KCNIP4: variants seen among roughly 807,000 people sequenced by gnomAD.
The protein encoded by KCNIP4 is potassium voltage-gated channel interacting protein 4, also known as Kv channel-interacting protein 4.
A neutral mutation model predicts 34.0 loss-of-function variants in KCNIP4; 12 were observed. That is an observed-to-expected ratio of 0.35 (90% confidence interval 0.23 to 0.57). The LOEUF is 0.57. KCNIP4 is among the 20% of genes least tolerant of loss of function. The probability of loss-of-function intolerance (pLI) is 0.83; values close to 1 mark genes in which losing one functional copy is unlikely to be tolerated. For synonymous variants in KCNIP4, 124 were observed against 102.2 expected, an observed-to-expected ratio of 1.21 and a Z score of -1.29; for missense variants, 238 against 311.7, an observed-to-expected ratio of 0.76 and a Z score of 1.78.
intron 1 of KCNIP4, among the ~76,000 whole-genome samples, chr4:20,987,174 T>C (rs115245283): frequency 0.013 from 2,052 of 152,250 alleles, 21 homozygotes; most frequent in Non-Finnish European, 0.021. Flanking sequence ...GGTGGGAGGA[T>C]AACTTAGGAG....
chr4:20,875,339 A>G (rs1312709219), intron 2 of KCNIP4, among the ~76,000 whole-genome samples: 1 of 152,156 alleles, frequency 6.6e-6, no homozygotes, highest in Non-Finnish European at 1.5e-5. Context: ...GTGATTCAGA[A>G]ATTAAATAAT....
rs78469518 is a variant in KCNIP4, at chr4:21,120,592, A to T, written c.62-237883T>A. 1.5e-3 allele frequency among the ~76,000 whole-genome samples: 223 copies of T among 152,316 alleles called. 4 individuals are homozygous for T. In the East Asian group the frequency reaches 0.041, roughly 28 times the overall value. ...CACATCTTACGTGGTGACAGGTGAG[A>T]GTGAGTGTTTGTCAGCTCAGGAAAA... On this transcript the variant is annotated intron_variant, in intron 1 of 8. Coordinates refer to ENST00000382152, the MANE Select transcript of KCNIP4 (RefSeq NM_025221.6).
intron 1 of KCNIP4, among the ~76,000 whole-genome samples, chr4:21,862,899 T>G (rs1210421666): frequency 1.3e-5 from 2 of 150,450 alleles, no homozygotes; most frequent in Non-Finnish European, 2.9e-5. Flanking sequence ...AGGCGGAGCT[T>G]GCAGTGAGCC....
At chr4:21,129,848 C>T (rs1293909226) in intron 1 of KCNIP4, among the ~76,000 whole-genome samples, 1 of 150,556 alleles carries the variant, frequency 6.6e-6, no homozygotes, top group Admixed American at 6.6e-5. Context: ...ATAAATGTGT[C>T]ATAAGTTGAG....
At chr4:21,644,252 T>C (rs1746844677) in intron 1 of KCNIP4, among the ~76,000 whole-genome samples, 1 of 151,954 alleles carries the variant, frequency 6.6e-6, no homozygotes, top group Non-Finnish European at 1.5e-5. Context: ...ACCTGAGAAA[T>C]CACAAATCAA....
chr4:21,199,416 T>C (rs1756304338), intron 1 of KCNIP4, among the ~76,000 whole-genome samples: 1 of 152,212 alleles, frequency 6.6e-6, no homozygotes, highest in Non-Finnish European at 1.5e-5. Context: ...GATGGGGTTG[T>C]TTGATTTTTT....
At chr4:21,571,659 G>GA (rs148081633) in intron 1 of KCNIP4, among the ~76,000 whole-genome samples, 2,100 of 152,238 alleles carry the variant, frequency 0.014, 58 homozygotes, top group South Asian at 0.047. Flanking sequence ...CAAGTTAAAT[G>GA]AAAACTCATC....
chr4:21,589,006 A>G (rs187647495), intron 1 of KCNIP4, among the ~76,000 whole-genome samples: 53 of 150,986 alleles, frequency 3.5e-4, no homozygotes, highest in African/African-American at 1.2e-3. Context: ...AGCACTGGGA[A>G]TAGAGATAAA....
intron 3 of KCNIP4, among the ~76,000 whole-genome samples, chr4:20,820,320 T>C (rs1716943296): frequency 6.6e-6 from 1 of 152,186 alleles, no homozygotes; most frequent in Non-Finnish European, 1.5e-5. Context: ...CTTGGCTGAA[T>C]TGTCTGTGTC....
At chr4:20,869,642 T>A (rs1723233642) in intron 2 of KCNIP4, among the ~76,000 whole-genome samples, 1 of 152,132 alleles carries the variant, frequency 6.6e-6, no homozygotes, top group Admixed American at 6.6e-5. Flanking sequence ...CAAGCCTTAA[T>A]TTTAAAATTT....
intron 1 of KCNIP4, among the ~76,000 whole-genome samples, chr4:21,529,083 C>G (rs949594619): frequency 6.6e-6 from 1 of 152,090 alleles, no homozygotes; most frequent in Non-Finnish European, 1.5e-5. Context: ...AGATACAGTG[C>G]AGCAGCTATT....
At chr4:21,269,835 A>G (rs1261849985) in intron 1 of KCNIP4, among the ~76,000 whole-genome samples, 1 of 152,176 alleles carries the variant, frequency 6.6e-6, no homozygotes, top group Non-Finnish European at 1.5e-5. Context: ...ACAGGGACTC[A>G]AGAGATCAGA....
chr4:21,079,452 C>CAGGA (rs1560702649), intron 1 of KCNIP4, among the ~76,000 whole-genome samples: 1 of 151,876 alleles, frequency 6.6e-6, no homozygotes, highest in African/African-American at 2.4e-5. Context: ...TGGTAATTTG[C>CAGGA]TCAGTGTGAC....
At chr4:21,433,516 G>A (rs150940274) in intron 1 of KCNIP4, among the ~76,000 whole-genome samples, 10 of 152,252 alleles carry the variant, frequency 6.6e-5, no homozygotes, top group Non-Finnish European at 8.8e-5. Context: ...TAGCTAACCC[G>A]CAATGTGAAG....
intron 1 of KCNIP4, among the ~76,000 whole-genome samples, chr4:21,607,568 G>A (rs1362530375): frequency 1.3e-5 from 2 of 151,720 alleles, no homozygotes; most frequent in African/African-American, 2.4e-5. Flanking sequence ...GAAAGCACCC[G>A]ATTTGATCCC....
chr4:21,029,345 A>G (rs1394365116), intron 1 of KCNIP4, among the ~76,000 whole-genome samples: 1 of 152,144 alleles, frequency 6.6e-6, no homozygotes, highest in African/African-American at 2.4e-5. Flanking sequence ...ACCTCATAAG[A>G]TTGCTCTGAG....
At chr4:21,111,128 A>C (rs1027270557) in intron 1 of KCNIP4, among the ~76,000 whole-genome samples, 1 of 152,192 alleles carries the variant, frequency 6.6e-6, no homozygotes, top group African/African-American at 2.4e-5. Context: ...ATATTGAATA[A>C]AATCTTGATT....
intron 1 of KCNIP4, among the ~76,000 whole-genome samples, chr4:21,883,917 A>C (rs922445138): frequency 1.3e-5 from 2 of 152,140 alleles, no homozygotes; most frequent in Non-Finnish European, 2.9e-5. Context: ...TCTTTTTGGA[A>C]TAAGCTACAC....
At chr4:21,645,444 T>C (rs946347287) in intron 1 of KCNIP4, among the ~76,000 whole-genome samples, 3 of 152,168 alleles carry the variant, frequency 2.0e-5, no homozygotes, top group African/African-American at 7.2e-5. Flanking sequence ...TCAAATTAGC[T>C]AAATACCTTG....
Sources: allele counts gnomAD v4.1 joint callset (sites outside exome capture counted in the v4.1 genomes callset), GRCh38; gene constraint gnomAD v4.1.1; transcripts MANE v1.5; gene names NCBI Gene and HGNC (gene_info 2026-07-23, HGNC 2026-07-21).